Variants in B3GALT1 observed in about 807,000 individuals in gnomAD.
The protein encoded by B3GALT1 is UDP-Gal:betaGlcNAc beta 1,3-galactosyltransferase, polypeptide 1.
Under a neutral mutation model 23.2 loss-of-function variants are expected in B3GALT1, and 10 were observed. That is an observed-to-expected ratio of 0.43 (90% CI 0.27 to 0.73). The LOEUF is 0.73. Ranked by LOEUF, B3GALT1 falls within the 30% of genes least tolerant of loss-of-function variation. B3GALT1 has a pLI of 0.21. For missense variants in B3GALT1, 299 were observed against 405.4 expected (o/e 0.74, Z 2.25); for synonymous variants, 156 against 141.5 (o/e 1.10, Z -0.73).
intron 1 of B3GALT1, among the ~76,000 whole-genome samples, chr2:167,480,645 A>T (rs1024271890): frequency 6.6e-6 from 1 of 152,174 alleles, no homozygotes; most frequent in African/African-American, 2.4e-5. Context: ...TGGGGCGGGG[A>T]CTATCTTAGG....
At chr2:167,725,605 G>A (rs562874860) in intron 3 of B3GALT1, among the ~76,000 whole-genome samples, 3 of 152,282 alleles carry the variant, frequency 2.0e-5, no homozygotes, top group Admixed American at 6.5e-5. Context: ...ACGGAAAGTA[G>A]GGCAGAATTT....
At chr2:167,664,892 A>G (rs1227219497) in intron 3 of B3GALT1, among the ~76,000 whole-genome samples, 1 of 149,732 alleles carries the variant, frequency 6.7e-6, no homozygotes, top group Admixed American at 6.7e-5. Flanking sequence ...TAGATATACA[A>G]TCATGTCGTC....
chr2:167,771,830 G>C (rs114852887), intron 3 of B3GALT1, among the ~76,000 whole-genome samples: 1 of 152,132 alleles, frequency 6.6e-6, no homozygotes, highest in Admixed American at 6.5e-5. Context: ...AGGCAGAGGG[G>C]AAATCCTGAA....
chr2:167,371,545 A>C (rs1234666861), intron 1 of B3GALT1, among the ~76,000 whole-genome samples: 1 of 152,150 alleles, frequency 6.6e-6, no homozygotes, highest in Non-Finnish European at 1.5e-5. Flanking sequence ...TGACAGCTTA[A>C]ATTTATTCAA....
Position 167,434,456 on chromosome 2 carries a change from A to G in B3GALT1, c.-510-55721A>G, listed in dbSNP as rs931232623. ...CTCCCACCCCCCAATCTTGTAAGCA[A>G]TTCTAAACACTGTATCATTTCATTC... On this transcript the variant is annotated intron_variant, in intron 1 of 4. Transcript: ENST00000392690. Among the ~76,000 whole-genome samples the G allele has an allele frequency of 1.7e-4, 25 of 150,122 alleles. 1 individual carries two copies. Among genetic ancestry groups the G allele is most frequent in the Admixed American group, 1.1e-3 (16 of 15,020 alleles).
At chr2:167,852,125 G>T (rs1027261262) in intron 4 of B3GALT1, among the ~76,000 whole-genome samples, 1 of 152,102 alleles carries the variant, frequency 6.6e-6, no homozygotes, top group African/African-American at 2.4e-5. Context: ...AGTAGCTTGG[G>T]TGTGACATGA....
At chr2:167,567,922 T>C (rs1467887434) in intron 2 of B3GALT1, among the ~76,000 whole-genome samples, 1 of 152,150 alleles carries the variant, frequency 6.6e-6, no homozygotes, top group Admixed American at 6.5e-5. Flanking sequence ...CAAGCATTTA[T>C]CTTTTTACTG....
chr2:167,372,471 A>G (rs867074565), intron 1 of B3GALT1, among the ~76,000 whole-genome samples: 2 of 152,070 alleles, frequency 1.3e-5, no homozygotes, highest in Admixed American at 6.6e-5. Context: ...CACCACTTCT[A>G]TTCCCCCTTT....
chr2:167,619,844 A>G (rs1685225741), intron 2 of B3GALT1, among the ~76,000 whole-genome samples: 1 of 152,156 alleles, frequency 6.6e-6, no homozygotes, highest in South Asian at 2.1e-4. Context: ...GGCGCACTGC[A>G]GTGGCCAGAT....
chr2:167,588,830 CTT>C, intron 2 of B3GALT1, among the ~76,000 whole-genome samples: 1 of 131,748 alleles, frequency 7.6e-6, no homozygotes, highest in Non-Finnish European at 1.5e-5. Context: ...TCCTTCCTTC[CTT>C]CCTTCCTTCC....
chr2:167,672,565 T>A (rs1686350855), intron 3 of B3GALT1, among the ~76,000 whole-genome samples: 2 of 152,140 alleles, frequency 1.3e-5, no homozygotes, highest in Non-Finnish European at 2.9e-5. Context: ...TACTCTGGGG[T>A]GAAGCCAGCT....
chr2:167,679,148 C>T (rs1438421228), intron 3 of B3GALT1, among the ~76,000 whole-genome samples: 10 of 149,910 alleles, frequency 6.7e-5, no homozygotes, highest in African/African-American at 2.2e-4. Context: ...CAGAGTTTCA[C>T]TCTTGTCACC....
At position 167,397,062 on chromosome 2, in the gene B3GALT1, G is replaced by T. The variant is rs76294286; in HGVS notation, c.-510-93115G>T. On this transcript the variant is annotated intron_variant, in intron 1 of 4. Coordinates refer to ENST00000392690, the MANE Select transcript of B3GALT1 (RefSeq NM_020981.4). Reference sequence around the variant, plus strand: ...GCCAAGTCTTCAAATCCAACTTCTCGTAAAAGTTTGTGAAATTGTACCCTT... The same window carrying T: ...GCCAAGTCTTCAAATCCAACTTCTCTTAAAAGTTTGTGAAATTGTACCCTT... Among the ~76,000 whole-genome samples the T allele has an allele frequency of 3.3e-5, 5 of 152,086 alleles. No individual in the cohort carries two copies. The South Asian group carries it at 8.3e-4, about 25-fold the overall frequency.
chr2:167,563,205 C>T (rs1301778440), intron 2 of B3GALT1, among the ~76,000 whole-genome samples: 22 of 150,956 alleles, frequency 1.5e-4, no homozygotes, highest in African/African-American at 5.4e-4. Flanking sequence ...AGAGGGGCTC[C>T]TCACCTCCCA....
At chr2:167,372,678 T>C (rs1349302577) in intron 1 of B3GALT1, among the ~76,000 whole-genome samples, 1 of 152,102 alleles carries the variant, frequency 6.6e-6, no homozygotes, top group African/African-American at 2.4e-5. Context: ...GTTATGATTA[T>C]TGATGCCAAA....
chr2:167,667,827 G>A (rs560846186), intron 3 of B3GALT1, among the ~76,000 whole-genome samples: 14 of 152,256 alleles, frequency 9.2e-5, no homozygotes, highest in African/African-American at 3.4e-4. Context: ...CTCTGTATTG[G>A]TTATTCAAGT....
rs992099254 is a variant in B3GALT1 at position 167,293,038 on chromosome 2, C to T, written c.-807C>T. The T allele has an allele frequency of 6.6e-6, 1 of 151,784 alleles. No homozygotes were observed. Among genetic ancestry groups the T allele is most frequent in the East Asian group, 1.9e-4 (1 of 5,154 alleles). The allele number at this position is 151,784 out of a possible 1,614,324, so 9.4% of individuals were successfully genotyped here. A position where few individuals can be genotyped will look rare whatever the true frequency, so the allele number is the denominator to read the frequency against. ...GGGGAAGCGCAGCCGGGCTCGGGTG[C>T]TTCGGCTGCCGCCGCGGCTGCTCGG... On this transcript the variant is annotated 5_prime_UTR_variant, in exon 1 of 5. Transcript: ENST00000392690.
chr2:167,639,693 C>A (rs546523720), intron 2 of B3GALT1, among the ~76,000 whole-genome samples: 68 of 152,138 alleles, frequency 4.5e-4, no homozygotes, highest in African/African-American at 1.6e-3. Flanking sequence ...CTTGAAGCAC[C>A]AATACACTAA....
intron 1 of B3GALT1, among the ~76,000 whole-genome samples, chr2:167,479,586 C>A (rs904833478): frequency 7.9e-5 from 12 of 152,044 alleles, no homozygotes; most frequent in Admixed American, 4.6e-4. Flanking sequence ...AAGCACAATT[C>A]AACTCTGGTC....
Sources: gnomAD v4.1 joint callset for allele counts (sites outside exome capture counted in the v4.1 genomes callset) on GRCh38, gnomAD v4.1.1 for gene constraint, MANE v1.5 for transcripts, NCBI Gene and HGNC (gene_info 2026-07-23, HGNC 2026-07-21) for gene names.